VPS13D: variants seen among roughly 807,000 people sequenced by gnomAD.
The protein encoded by VPS13D is vacuolar protein sorting 13 homolog D.
A neutral mutation model predicts 461.9 loss-of-function variants in VPS13D; 187 were observed. That is an observed-to-expected ratio of 0.40 (90% CI 0.36 to 0.46). The LOEUF is 0.46. Ranked by LOEUF, VPS13D falls within the 20% of genes least tolerant of loss-of-function variation. The pLI is 0.60. For missense variants in VPS13D, 4,711 were observed against 5,364.9 expected (o/e 0.88, Z 3.81); for synonymous variants, 1,951 against 1,986.3 (o/e 0.98, Z 0.47).
Position 12,311,842 on chromosome 1 carries a change from T to C in VPS13D, c.6852T>C (p.Cys2284=). ...TCCTGAGTGGAGAAGTGTACACCTG[T>C]ATGTGCTTCCTCATTGATATGGTGA... The part of the protein sequence containing the change: ...HTVLSGEVYT[C]MCFLIDMVNV... Residue 2284 remains cysteine (C), a synonymous_variant, in exon 29 of 70, where the codon TGT becomes TGC. Coordinates refer to ENST00000620676, the MANE Select transcript of VPS13D (RefSeq NM_015378.4). The C allele has an allele frequency of 6.2e-7, 1 of 1,614,210 alleles. No individual in the cohort carries two copies. Among genetic ancestry groups the C allele is most frequent in the Non-Finnish European group, 8.5e-7 (1 of 1,180,028 alleles).
intron 65 of VPS13D, among the ~76,000 whole-genome samples, chr1:12,443,731 G>A (rs115914464): frequency 2.6e-5 from 4 of 150,972 alleles, no homozygotes; most frequent in Non-Finnish European, 4.4e-5. Context: ...TATTTATCCC[G>A]TCTGCGTCTT....
At chr1:12,259,839 A>G (rs1365484794) in intron 10 of VPS13D, among the ~76,000 whole-genome samples, 1 of 152,082 alleles carries the variant, frequency 6.6e-6, no homozygotes, top group African/African-American at 2.4e-5. Context: ...TCCTACATGA[A>G]GTATAAAAGA....
At position 12,269,644 on chromosome 1, in the gene VPS13D, CCTCCGTTTGTT is replaced by C. The variant is rs555031917; in HGVS notation, c.1972+773_1972+783del. On this transcript the variant is annotated intron_variant, in intron 16 of 69. Coordinates refer to ENST00000620676, the MANE Select transcript of VPS13D (RefSeq NM_015378.4). ...AAATGTAATCACTGATTTATTTATG[CCTCCGTTTGTT>C]CTCCAAGAAGATTTGAAACAGTAGG... Among the ~76,000 whole-genome samples, 18 of 152,270 alleles carry C rather than the reference CCTCCGTTTGTT, an allele frequency of 1.2e-4. No homozygotes were observed. The South Asian group carries it at 1.9e-3, about 16-fold the overall frequency.
At chr1:12,250,184 G>T (rs1016295901) in intron 6 of VPS13D, among the ~76,000 whole-genome samples, 1 of 152,224 alleles carries the variant, frequency 6.6e-6, no homozygotes, top group Admixed American at 6.5e-5. Context: ...CAACCTGGAA[G>T]CTCAGCAGAT....
intron 2 of VPS13D, among the ~76,000 whole-genome samples, chr1:12,239,702 C>T (rs1250008519): frequency 6.6e-6 from 1 of 152,172 alleles, no homozygotes; most frequent in Non-Finnish European, 1.5e-5. Flanking sequence ...CTTTAAATAA[C>T]CTGGAGCAGC....
intron 60 of VPS13D, among the ~76,000 whole-genome samples, chr1:12,390,326 C>T (rs1430293351): frequency 3.3e-5 from 5 of 152,136 alleles, no homozygotes; most frequent in Non-Finnish European, 7.4e-5. Context: ...CAGCTATTAT[C>T]ATCTAGTTGG....
At chr1:12,485,154 G>A (rs1413704369) in intron 67 of VPS13D, among the ~76,000 whole-genome samples, 1 of 152,144 alleles carries the variant, frequency 6.6e-6, no homozygotes, top group East Asian at 1.9e-4. Context: ...TAAATGTATG[G>A]GGAGCCAACT....
intron 35 of VPS13D, among the ~76,000 whole-genome samples, chr1:12,324,894 G>T (rs1643138977): frequency 6.6e-6 from 1 of 152,148 alleles, no homozygotes; most frequent in African/African-American, 2.4e-5. Context: ...GCTCAGATTG[G>T]TTAGGTAAAA....
chr1:12,489,999 C>T (rs1645854592), intron 67 of VPS13D, among the ~76,000 whole-genome samples: 1 of 152,236 alleles, frequency 6.6e-6, no homozygotes, highest in Non-Finnish European at 1.5e-5. Flanking sequence ...GTCTCTCCTA[C>T]TGCTTCCCTG....
chr1:12,268,498 C>T (rs1437088204), intron 15 of VPS13D, among the ~76,000 whole-genome samples: 2 of 151,672 alleles, frequency 1.3e-5, no homozygotes, highest in East Asian at 1.9e-4. Context: ...GATATGGGAG[C>T]TAATACAACA....
chr1:12,348,713 A>ATT (rs1643730937), intron 44 of VPS13D, 110 bp from the exon 45 acceptor site: 1 of 1,324,556 alleles, frequency 7.5e-7, no homozygotes, highest in South Asian at 1.4e-5. Flanking sequence ...TTCACTGAAG[A>ATT]ACTATAGTAG....
At chr1:12,460,439 G>C (rs372931819) in intron 67 of VPS13D, 43 bp downstream of exon 67, 98 of 1,497,738 alleles carry the variant, frequency 6.5e-5, no homozygotes, top group Non-Finnish European at 8.5e-5. Context: ...TTCCAGCCTA[G>C]GTCTGCTGCT....
In VPS13D at chr1:12,322,470, G is replaced by A. The variant is rs72866667; in HGVS notation, c.7705-66G>A. 7.8e-4 allele frequency: 1,157 copies of A among 1,479,782 alleles called. 13 individuals carry two copies. In the African/African-American group the frequency reaches 0.014, roughly 18 times the overall value. The allele number at this position is 1,479,782 out of a possible 1,614,324, so 91.7% of individuals were successfully genotyped here. A position where few individuals can be genotyped will look rare whatever the true frequency, so the allele number is the denominator to read the frequency against. On this transcript the variant is annotated intron_variant, in intron 33 of 69. Coordinates refer to ENST00000620676, the MANE Select transcript of VPS13D (RefSeq NM_015378.4). ...AGAAGTTGAAATAGGAATTACATCT[G>A]TAAGAGATATGGATGTAAAACCAAT...
intron 52 of VPS13D, among the ~76,000 whole-genome samples, chr1:12,363,904 G>C (rs1389200803): frequency 8.7e-6 from 1 of 114,904 alleles, no homozygotes. Flanking sequence ...GGTGAGCTCA[G>C]ATCACGCCAC....
At position 12,365,428 on chromosome 1, in the gene VPS13D, G is replaced by A. The variant is rs776714146; in HGVS notation, c.10448+2181G>A. 1.3e-3 allele frequency among the ~76,000 whole-genome samples: 204 copies of A among 152,188 alleles called. 1 individual carries two copies. The highest frequency in any genetic ancestry group is 1.3e-3 in the Non-Finnish European group (89 of 68,004). On this transcript the variant is annotated intron_variant, in intron 52 of 69. Coordinates refer to ENST00000620676, the MANE Select transcript of VPS13D (RefSeq NM_015378.4). ...TGTCTTTAGTTTCTTTCATCAGGCC[G>A]GGCATGGTGGCTCACGCCTGTAATC... is the stretch of plus-strand genomic sequence containing the variant.
intron 31 of VPS13D, 27 bp from the exon 32 acceptor site, chr1:12,319,470 C>T: frequency 6.2e-7 from 1 of 1,613,436 alleles, no homozygotes; most frequent in Non-Finnish European, 8.5e-7. Context: ...CCAGCTCTGG[C>T]TTGATTGACG....
chr1:12,478,826 A>G (rs1252805964), intron 67 of VPS13D: 1 of 456,076 alleles, frequency 2.2e-6, no homozygotes, highest in Non-Finnish European at 4.4e-6. Flanking sequence ...CAGGGCTGAC[A>G]CCACAGGAAA....
intron 67 of VPS13D, among the ~76,000 whole-genome samples, chr1:12,484,400 T>G (rs1278631537): frequency 6.6e-6 from 1 of 152,238 alleles, no homozygotes; most frequent in African/African-American, 2.4e-5. Context: ...TTGCCTTTTT[T>G]GGTATTCCTC....
chr1:12,326,295 TA>T (rs201731866), intron 35 of VPS13D, among the ~76,000 whole-genome samples: 1 of 149,782 alleles, frequency 6.7e-6, no homozygotes, highest in Non-Finnish European at 1.5e-5. Flanking sequence ...TTTTTTTTTT[TA>T]ATTAAAGTTC....
Sources: gnomAD v4.1 joint callset for allele counts (sites outside exome capture counted in the v4.1 genomes callset) on GRCh38, gnomAD v4.1.1 for gene constraint, MANE v1.5 for transcripts, NCBI Gene and HGNC (gene_info 2026-07-23, HGNC 2026-07-21) for gene names.